The following ACER3 variants were observed in gnomAD, a reference collection of about 807,000 sequenced individuals.
ACER3 encodes the protein alkaline ceramidase 3, also known as alkCDase 3.
In ACER3, 16 loss-of-function variants were observed where a neutral mutation model predicts 48.9. The ratio of observed to expected loss-of-function variants is 0.33; its 90% CI spans 0.22 to 0.50. ACER3 has a LOEUF of 0.50. Ranked by LOEUF, ACER3 falls within the 20% of genes least tolerant of loss-of-function variation. ACER3 has a pLI of 0.98. For missense variants in ACER3, 227 were observed against 326.0 expected (o/e 0.70, Z 2.34); for synonymous variants, 109 against 107.8 (o/e 1.01, Z -0.07).
At chr11:76,866,330 C>T (rs893308465) in intron 1 of ACER3, among the ~76,000 whole-genome samples, 8 of 152,176 alleles carry the variant, frequency 5.3e-5, no homozygotes, top group African/African-American at 1.9e-4. Context: ...ATAAGTTTAT[C>T]ACCAGGAGAC....
intron 6 of ACER3, among the ~76,000 whole-genome samples, chr11:76,995,866 G>A (rs567252796): frequency 6.8e-4 from 104 of 152,168 alleles, no homozygotes; most frequent in African/African-American, 2.4e-3. Context: ...CATATTCCCT[G>A]GGAAATTCAT....
intron 3 of ACER3, among the ~76,000 whole-genome samples, chr11:76,975,354 T>C (rs993711137): frequency 2.6e-5 from 4 of 152,162 alleles, no homozygotes; most frequent in African/African-American, 9.7e-5. Flanking sequence ...AACTCTAAGA[T>C]TGGTATCTAC....
chr11:76,909,666 T>C (rs1224181865), intron 1 of ACER3, among the ~76,000 whole-genome samples: 1 of 152,176 alleles, frequency 6.6e-6, no homozygotes, highest in Admixed American at 6.5e-5. Flanking sequence ...TTTTACACTG[T>C]TGGTGGGAGT....
Position 77,021,567 on chromosome 11 carries a change from A to G in ACER3, c.*1240A>G, listed in dbSNP as rs2135345674. The G allele has an allele frequency of 6.6e-6, 1 of 152,312 alleles. No homozygotes were observed. The highest frequency in any genetic ancestry group is 2.4e-5 in the African/African-American group (1 of 41,572). 9.4% of individuals were successfully genotyped at this position (152,312 alleles called of 1,614,324 possible). ...TCTGCTCATGTTTCATCATATTTGT[A>G]GCTCTGCATCATTTAGCATTTTTAT... On this transcript the variant is annotated 3_prime_UTR_variant, in exon 11 of 11. Coordinates refer to ENST00000532485, the MANE Select transcript of ACER3 (RefSeq NM_018367.7).
At chr11:76,948,168 G>A (rs149661913) in intron 2 of ACER3, among the ~76,000 whole-genome samples, 5 of 148,614 alleles carry the variant, frequency 3.4e-5, no homozygotes, top group African/African-American at 7.4e-5. Flanking sequence ...CTCATTTTTG[G>A]TATTACCATT....
chr11:77,003,445 C>G (rs1193371941), intron 7 of ACER3, among the ~76,000 whole-genome samples: 2 of 152,150 alleles, frequency 1.3e-5, no homozygotes, highest in African/African-American at 4.8e-5. Context: ...TGTTAGTCTT[C>G]TCTCTTTCTT....
At chr11:76,865,306 T>A (rs190292908) in intron 1 of ACER3, among the ~76,000 whole-genome samples, 1 of 151,934 alleles carries the variant, frequency 6.6e-6, no homozygotes, top group East Asian at 1.9e-4. Flanking sequence ...TATCCCTTCA[T>A]GAATTCTTTT....
intron 6 of ACER3, among the ~76,000 whole-genome samples, chr11:76,990,777 T>C (rs1309144147): frequency 6.6e-6 from 1 of 152,196 alleles, no homozygotes; most frequent in Non-Finnish European, 1.5e-5. Context: ...ATACCTGGGA[T>C]AGCCAATGCG....
At chr11:76,871,733 C>T (rs904362309) in intron 1 of ACER3, among the ~76,000 whole-genome samples, 6 of 152,146 alleles carry the variant, frequency 3.9e-5, no homozygotes, top group African/African-American at 9.7e-5. Flanking sequence ...GATCAGAAAA[C>T]GAGCTGGAAA....
chr11:76,891,335 T>C (rs374618176), intron 1 of ACER3, among the ~76,000 whole-genome samples: 1 of 151,762 alleles, frequency 6.6e-6, no homozygotes, highest in South Asian at 2.1e-4. Flanking sequence ...TTTGTTGTAA[T>C]GTTGGGACAC....
intron 8 of ACER3, 58 bp from the exon 9 acceptor site, chr11:77,016,617 G>A: frequency 2.3e-6 from 2 of 888,002 alleles, no homozygotes; most frequent in South Asian, 1.6e-5. Context: ...AAGACTATCA[G>A]CGTTAGTCGC....
intron 3 of ACER3, among the ~76,000 whole-genome samples, chr11:76,974,921 T>A (rs1448327539): frequency 6.6e-6 from 1 of 152,198 alleles, no homozygotes. Context: ...GCTGGGATTG[T>A]GCCATTGCAC....
chr11:76,865,991 G>A (rs1323660587), intron 1 of ACER3, among the ~76,000 whole-genome samples: 1 of 128,242 alleles, frequency 7.8e-6, no homozygotes, highest in Non-Finnish European at 1.7e-5. Context: ...TTTGTTTTTT[G>A]TTTTTTTTTT....
chr11:76,913,356 T>C (rs542551911), intron 1 of ACER3, among the ~76,000 whole-genome samples: 2 of 152,156 alleles, frequency 1.3e-5, no homozygotes, highest in Non-Finnish European at 2.9e-5. Context: ...TTGAATACCC[T>C]TTATTTCTTT....
chr11:76,925,565 C>T (rs796405481), intron 1 of ACER3, among the ~76,000 whole-genome samples: 52 of 152,190 alleles, frequency 3.4e-4, no homozygotes, highest in African/African-American at 1.1e-3. Context: ...GTTCTCCTGC[C>T]GCAGTTTGGA....
chr11:76,869,371 G>A (rs1007358216), intron 1 of ACER3, among the ~76,000 whole-genome samples: 1 of 152,188 alleles, frequency 6.6e-6, no homozygotes, highest in African/African-American at 2.4e-5. Context: ...ATTGTTTTAG[G>A]TGCTATGATC....
intron 1 of ACER3, among the ~76,000 whole-genome samples, chr11:76,910,808 A>G (rs900239022): frequency 6.6e-6 from 1 of 152,248 alleles, no homozygotes; most frequent in Non-Finnish European, 1.5e-5. Context: ...AATTGGTCCA[A>G]CCATTCTGGA....
At chr11:76,899,201 A>G (rs1946017999) in intron 1 of ACER3, among the ~76,000 whole-genome samples, 2 of 152,190 alleles carry the variant, frequency 1.3e-5, no homozygotes, top group Non-Finnish European at 2.9e-5. Context: ...GCCCATATCT[A>G]TTGGTACCTG....
At chr11:76,889,661 C>T (rs564713928) in intron 1 of ACER3, among the ~76,000 whole-genome samples, 2 of 152,228 alleles carry the variant, frequency 1.3e-5, no homozygotes, top group Non-Finnish European at 2.9e-5. Context: ...CTTTTGTATT[C>T]CTGAACACAG....
Sources: gnomAD v4.1 joint callset for allele counts (sites outside exome capture counted in the v4.1 genomes callset) on GRCh38, gnomAD v4.1.1 for gene constraint, MANE v1.5 for transcripts, NCBI Gene and HGNC (gene_info 2026-07-23, HGNC 2026-07-21) for gene names.